Variants in MTERF4 observed in about 807,000 individuals in gnomAD.
MTERF4 encodes the protein transcription termination factor 4, mitochondrial.
MTERF4 carries 17 observed loss-of-function variants against 22.5 expected under a neutral mutation model. That is an observed-to-expected ratio of 0.75 (90% CI 0.52 to 1.13). MTERF4 has a LOEUF of 1.13. MTERF4 is among the 50% of genes most tolerant of loss of function. The pLI, the probability that MTERF4 is intolerant of heterozygous loss-of-function variation, is 0.00. For synonymous variants in MTERF4, 165 were observed against 175.3 expected (o/e 0.94, Z 0.47); for missense variants, 420 against 466.8 (o/e 0.90, Z 0.92).
downstream of MTERF4, chr2:241,095,322 A>C (rs2064344851): frequency 6.5e-6 from 1 of 152,996 alleles, no homozygotes; most frequent in Non-Finnish European, 1.5e-5. Flanking sequence ...AAGAGCTGAC[A>C]TAAAAGCCAA....
the MTERF4 span, chr2:241,049,154 A>G: frequency 6.3e-7 from 1 of 1,596,392 alleles, no homozygotes; most frequent in Non-Finnish European, 8.6e-7. Flanking sequence ...CTCGGGGACG[A>G]GCCTGCTGGG....
At chr2:241,063,965 C>G in the MTERF4 span, 1 of 1,381,660 alleles carries the variant, frequency 7.2e-7, no homozygotes, top group African/African-American at 1.4e-5. Flanking sequence ...CTCCCTCCCC[C>G]AGACTCCCCC....
chr2:241,071,718 C>CCCCCCGGCA, downstream of MTERF4: 1 of 1,503,692 alleles, frequency 6.7e-7, no homozygotes, highest in Non-Finnish European at 9.0e-7. Flanking sequence ...CCCAGCCCCC[C>CCCCCCGGCA]AGGTACATGC....
At chr2:241,094,623 T>G (rs150345961), downstream of MTERF4, 93 of 351,498 alleles carry the variant, frequency 2.6e-4, no homozygotes, top group Middle Eastern at 1.0e-3. This position sits in a 1 kb window ranked among gnomAD's most constrained non-coding sequence, Gnocchi z 4.3. Context: ...GAGTGAACAG[T>G]CACATTACTG....
chr2:241,073,578 G>A lies in MTERF4; in HGVS notation n.2584C>T, dbSNP rs1462713087. On this transcript the variant is annotated non_coding_transcript_exon_variant, in exon 5 of 5. Transcript: ENST00000464344. This position sits in a 1 kb window ranked among gnomAD's most constrained non-coding sequence, Gnocchi z 6.6. ...CCCCACAGACGGGAACAGGCCAGGG[G>A]GCAGGACCCACCCAAACCACCCAGA... 1.3e-5 allele frequency: 8 copies of A among 602,198 alleles called. No homozygotes were observed. Among genetic ancestry groups the A allele is most frequent in the Non-Finnish European group, 2.4e-5 (8 of 334,256 alleles). The allele number at this position is 602,198 out of a possible 1,614,324, so 37.3% of individuals were successfully genotyped here. A position where few individuals can be genotyped will look rare whatever the true frequency, so the allele number is the denominator to read the frequency against.
downstream of MTERF4, chr2:241,069,119 C>A: frequency 2.5e-6 from 2 of 807,070 alleles, no homozygotes; most frequent in Admixed American, 2.9e-5. This position sits in a 1 kb window ranked among gnomAD's most constrained non-coding sequence, Gnocchi z 4.9. Flanking sequence ...AAAGCGTCCA[C>A]AACACCAGAA....
downstream of MTERF4, chr2:241,069,043 C>A: frequency 2.0e-6 from 3 of 1,505,404 alleles, no homozygotes; most frequent in Non-Finnish European, 2.7e-6. This position sits in a 1 kb window ranked among gnomAD's most constrained non-coding sequence, Gnocchi z 4.9. Flanking sequence ...GCAGCGCGGC[C>A]CCCGGCACAC....
chr2:241,050,532 CT>C, the MTERF4 span, among the ~76,000 whole-genome samples: 1 of 152,202 alleles, frequency 6.6e-6, no homozygotes, highest in Non-Finnish European at 1.5e-5. Context: ...CCCCCGCAGC[CT>C]GGACTGGTGT....
At chr2:241,086,452 T>C (rs2063579351), downstream of MTERF4, among the ~76,000 whole-genome samples, 1 of 152,202 alleles carries the variant, frequency 6.6e-6, no homozygotes. Flanking sequence ...TTGGATCCCC[T>C]TTCTCTGTGA....
the MTERF4 span, chr2:241,053,317 C>A: frequency 6.3e-7 from 1 of 1,576,786 alleles, no homozygotes; most frequent in South Asian, 1.1e-5. Flanking sequence ...TGAGCCTCCC[C>A]AGTGCCTTGG....
downstream of MTERF4, chr2:241,089,987 G>A (rs746143235): frequency 1.3e-6 from 2 of 1,548,726 alleles, no homozygotes; most frequent in Middle Eastern, 1.7e-4. Context: ...TACCTGGGCA[G>A]GGCGCTTAGC....
the MTERF4 span, among the ~76,000 whole-genome samples, chr2:241,055,116 CA>C: frequency 0.14 from 17,578 of 125,648 alleles, 1,636 homozygotes; most frequent in East Asian, 0.36. Flanking sequence ...GACTCTGTCT[CA>C]AAAAAAAAAA....
chr2:241,087,064 G>A (rs541412404), downstream of MTERF4: 91 of 238,882 alleles, frequency 3.8e-4, no homozygotes, highest in African/African-American at 1.9e-3. Context: ...CCAGGCCTCC[G>A]GCCAGGTGGC....
At chr2:241,070,033 A>G, downstream of MTERF4, 2 of 1,612,940 alleles carry the variant, frequency 1.2e-6, no homozygotes, top group Non-Finnish European at 1.7e-6. Context: ...CATCAATGTG[A>G]CCACCAGCCA....
chr2:241,048,788 C>T, the MTERF4 span: 3 of 1,557,174 alleles, frequency 1.9e-6, no homozygotes, highest in African/African-American at 4.1e-5. Context: ...GGTCACCCTT[C>T]CTGCCCTGTC....
the MTERF4 span, among the ~76,000 whole-genome samples, chr2:241,053,904 T>A: frequency 6.6e-6 from 1 of 151,892 alleles, no homozygotes; most frequent in Non-Finnish European, 1.5e-5. Flanking sequence ...GCCAGAGGAG[T>A]CCAAACTGTC....
chr2:241,084,134 A>ATTTTTTTT (rs368364855), downstream of MTERF4, among the ~76,000 whole-genome samples: 23 of 123,284 alleles, frequency 1.9e-4, no homozygotes, highest in African/African-American at 6.5e-4. Context: ...AGCGTCTAGG[A>ATTTTTTTT]TTTTTTTTTT....
At chr2:241,097,168 C>T in intron 3 of MTERF4, 75 bp downstream of exon 3, 1 of 1,549,338 alleles carries the variant, frequency 6.5e-7, no homozygotes, top group Non-Finnish European at 8.9e-7. Flanking sequence ...GTCATTCTCA[C>T]CTGAAACTAC....
downstream of MTERF4, among the ~76,000 whole-genome samples, chr2:241,085,883 T>TC (rs2063549432): frequency 1.4e-5 from 2 of 147,440 alleles, no homozygotes; most frequent in Admixed American, 6.7e-5. Flanking sequence ...TTTTTTTTTT[T>TC]TGAGACAGTG....
Sources: allele counts gnomAD v4.1 joint callset (sites outside exome capture counted in the v4.1 genomes callset), GRCh38; gene constraint gnomAD v4.1.1; non-coding constraint Gnocchi (gnomAD v3.1); transcripts MANE v1.5; gene names NCBI Gene and HGNC (gene_info 2026-07-23, HGNC 2026-07-21).